Variants in ITCH observed in about 807,000 individuals in gnomAD.
ITCH encodes the protein itchy E3 ubiquitin protein ligase, also known as E3 ubiquitin-protein ligase Itchy homolog.
A neutral mutation model predicts 126.8 loss-of-function variants in ITCH; 28 were observed. The observed-to-expected ratio is 0.22, with a 90% confidence interval of 0.16 to 0.30. ITCH has a LOEUF of 0.30. Ranked by LOEUF, ITCH falls within the 10% of genes least tolerant of loss-of-function variation. The pLI is 1.00. For missense variants in ITCH, 631 were observed against 1,032.4 expected (o/e 0.61, Z 5.33); for synonymous variants, 342 against 340.0 (o/e 1.01, Z -0.06).
At chr20:34,408,211 G>GACT (rs1978417460) in intron 3 of ITCH, among the ~76,000 whole-genome samples, 1 of 100,792 alleles carries the variant, frequency 9.9e-6, no homozygotes, top group East Asian at 3.3e-4. Context: ...AGGTAGCTGG[G>GACT]ACTGGCACAC....
At chr20:34,417,813 C>T (rs1374951520) in intron 6 of ITCH, among the ~76,000 whole-genome samples, 6 of 144,194 alleles carry the variant, frequency 4.2e-5, no homozygotes, top group African/African-American at 1.5e-4. Flanking sequence ...TCTCATTCAT[C>T]TTTTTTTTTC....
intron 9 of ITCH, 63 bp from the exon 10 acceptor site, chr20:34,442,145 C>T (rs1983837558): frequency 2.6e-6 from 3 of 1,158,788 alleles, no homozygotes; most frequent in Admixed American, 1.7e-5. Context: ...AATGCAAAGA[C>T]AGGATTAAAA....
chr20:34,449,301 A>G (rs1371054224), intron 11 of ITCH, 110 bp from the exon 12 acceptor site: 12 of 688,298 alleles, frequency 1.7e-5, no homozygotes, highest in Non-Finnish European at 2.3e-5. Context: ...TTTAAGATAC[A>G]AACTCTCTGT....
chr20:34,378,631 A>G (rs1053540654), intron 2 of ITCH, among the ~76,000 whole-genome samples: 2 of 152,142 alleles, frequency 1.3e-5, no homozygotes, highest in Non-Finnish European at 1.5e-5. Context: ...CAAATGAGCT[A>G]AATCTAAATC....
chr20:34,433,231 A>C (rs1982555968), intron 7 of ITCH, among the ~76,000 whole-genome samples: 1 of 152,246 alleles, frequency 6.6e-6, no homozygotes, highest in Admixed American at 6.5e-5. Flanking sequence ...CGGAGGTTGC[A>C]GTGAGCCGAG....
At chr20:34,384,182 A>T (rs1276104346) in intron 2 of ITCH, 3 of 137,030 alleles carry the variant, frequency 2.2e-5, no homozygotes, top group African/African-American at 8.2e-5. Flanking sequence ...CAAGTGAAGC[A>T]GTGGGAGTGG....
At position 34,449,091 on chromosome 20, in the gene ITCH, G is replaced by A. The variant is rs532330571; in HGVS notation, c.1141-320G>A. Among the ~76,000 whole-genome samples, 7 of 152,116 alleles carry A rather than the reference G, an allele frequency of 4.6e-5. 1 individual carries two copies. In the South Asian group the frequency reaches 1.5e-3, roughly 32 times the overall value. On this transcript the variant is annotated intron_variant, in intron 11 of 24. Transcript: ENST00000374864. ...GGTATTGTAAATGACTTTTGGGGGG[G>A]TTATATATTTTTCTAATTTTTATAT...
intron 20 of ITCH, among the ~76,000 whole-genome samples, chr20:34,488,198 A>G (rs1374553272): frequency 6.6e-6 from 1 of 151,856 alleles, no homozygotes; most frequent in Non-Finnish European, 1.5e-5. Flanking sequence ...TTAAAAAAAA[A>G]AACCTTTCTT....
intron 14 of ITCH, 80 bp from the exon 15 acceptor site, chr20:34,469,968 G>C: frequency 2.0e-6 from 2 of 1,013,954 alleles, no homozygotes; most frequent in South Asian, 1.3e-5. Context: ...TGCTGAGAGA[G>C]GGTGGGATAT....
At position 34,507,263 on chromosome 20, in the gene ITCH, GTTT is replaced by G. The variant is rs776161631; in HGVS notation, c.2490-408_2490-406del. On this transcript the variant is annotated intron_variant, in intron 24 of 24. Transcript: ENST00000374864. ...TCCTTTTCAACTCTTGTTTTCTTCT[GTTT>G]TTTTTTTTTTTTTTTTTTTTTTTGG... Among the ~76,000 whole-genome samples the G allele has an allele frequency of 1.5e-4, 6 of 39,180 alleles. No homozygotes were observed. The South Asian group carries it at 4.6e-3, about 30-fold the overall frequency. The allele number at this position is 39,180 out of a possible 152,430, so 25.7% of individuals were successfully genotyped here.
At chr20:34,365,757 C>T (rs138011851) in intron 1 of ITCH, among the ~76,000 whole-genome samples, 4 of 152,274 alleles carry the variant, frequency 2.6e-5, no homozygotes, top group Non-Finnish European at 5.9e-5. Flanking sequence ...GGCAGACAAA[C>T]CAGTAGTCCC....
chr20:34,465,338 C>G (rs945268791), intron 14 of ITCH, among the ~76,000 whole-genome samples: 1 of 151,954 alleles, frequency 6.6e-6, no homozygotes, highest in Non-Finnish European at 1.5e-5. Flanking sequence ...TTCTTTTTTT[C>G]AAGCTGCTTT....
At chr20:34,398,545 C>A (rs990105871) in intron 3 of ITCH, among the ~76,000 whole-genome samples, 5 of 151,726 alleles carry the variant, frequency 3.3e-5, no homozygotes, top group Non-Finnish European at 5.9e-5. Flanking sequence ...ATTACAGGCA[C>A]CCGCCACTAT....
At chr20:34,461,939 G>A (rs1405282167) in intron 13 of ITCH, among the ~76,000 whole-genome samples, 154 bp from the exon 14 acceptor site, 1 of 152,176 alleles carries the variant, frequency 6.6e-6, no homozygotes, top group East Asian at 1.9e-4. Context: ...TTTGTAGGAT[G>A]TCCACATAGA....
In ITCH at chr20:34,401,767, GA is replaced by G. The variant is rs896678440; in HGVS notation, c.71-6876del. ...CCTCCCCCCTAAAAAAGAGGAGGGG[GA>G]AAAAAAACCACTAAGATGTCCCAGA... On this transcript the variant is annotated intron_variant, in intron 3 of 24. Coordinates refer to ENST00000374864, the MANE Select transcript of ITCH (RefSeq NM_031483.7). The G allele has an allele frequency of 9.0e-5, 31 of 343,040 alleles. No individual in the cohort carries two copies. In the East Asian group the frequency reaches 1.0e-3, roughly 11 times the overall value. The allele number at this position is 343,040 out of a possible 1,614,324, so 21.2% of individuals were successfully genotyped here.
intron 16 of ITCH, among the ~76,000 whole-genome samples, chr20:34,472,402 A>T (rs1020396285): frequency 7.1e-6 from 1 of 141,408 alleles, no homozygotes; most frequent in Admixed American, 7.0e-5. Flanking sequence ...AAAAAACTTG[A>T]GTTAGTCTAC....
chr20:34,395,232 CAAA>C (rs75300869), intron 3 of ITCH, among the ~76,000 whole-genome samples: 10 of 76,900 alleles, frequency 1.3e-4, no homozygotes, highest in Admixed American at 3.0e-4. Flanking sequence ...GACTCCATCT[CAAA>C]AAAAAAAAAA....
chr20:34,408,876 G>GTT, intron 4 of ITCH, 84 bp downstream of exon 4: 6 of 1,273,880 alleles, frequency 4.7e-6, no homozygotes, highest in Admixed American at 2.1e-5. Flanking sequence ...TCTCACTTTG[G>GTT]TTTTTTGTTG....
intron 3 of ITCH, among the ~76,000 whole-genome samples, chr20:34,406,451 G>A (rs4911418): frequency 0.55 from 83,941 of 151,884 alleles, 23,753 homozygotes; most frequent in African/African-American, 0.65. Flanking sequence ...TTTGATATAT[G>A]TAAAGTCAGA....
Sources: gnomAD v4.1 joint callset for allele counts (sites outside exome capture counted in the v4.1 genomes callset) on GRCh38, gnomAD v4.1.1 for gene constraint, MANE v1.5 for transcripts, NCBI Gene and HGNC (gene_info 2026-07-23, HGNC 2026-07-21) for gene names.